Variants in INPP5A observed in about 807,000 individuals in gnomAD.
The protein encoded by INPP5A is 43 kDa inositol polyphosphate 5-phophatase.
Under a neutral mutation model 65.2 loss-of-function variants are expected in INPP5A, and 14 were observed. The observed-to-expected ratio is 0.21, with a 90% CI of 0.14 to 0.34. The LOEUF (loss-of-function observed/expected upper bound fraction) is 0.34. INPP5A is among the 10% of genes least tolerant of loss of function. The pLI, the probability that INPP5A is intolerant of heterozygous loss-of-function variation, is 1.00. For missense variants in INPP5A, 431 were observed against 545.6 expected (o/e 0.79, Z 2.09); for synonymous variants, 207 against 208.3 (o/e 0.99, Z 0.05).
chr10:132,638,161 AG>A (rs1248365156), intron 2 of INPP5A, among the ~76,000 whole-genome samples: 1 of 152,056 alleles, frequency 6.6e-6, no homozygotes, highest in East Asian at 1.9e-4. Context: ...CTGGTGACTC[AG>A]GGCTGCTACT....
chr10:132,752,328 A>G (rs1363522612), intron 11 of INPP5A, among the ~76,000 whole-genome samples: 1 of 151,548 alleles, frequency 6.6e-6, no homozygotes, highest in East Asian at 2.0e-4. Flanking sequence ...GGAAGGAGCT[A>G]GGAGACAGGG....
chr10:132,565,877 C>T (rs2071268974), intron 1 of INPP5A, among the ~76,000 whole-genome samples: 1 of 151,942 alleles, frequency 6.6e-6, no homozygotes, highest in Admixed American at 6.6e-5. Flanking sequence ...GCCATTTCCT[C>T]CTAGTTTTGA....
rs185062539 is a variant in INPP5A at position 132,590,068 on chromosome 10, C to T, written c.76-17847C>T. On this transcript the variant is annotated intron_variant, in intron 1 of 15. Coordinates refer to ENST00000368594, the MANE Select transcript of INPP5A (RefSeq NM_005539.5). ...CACGGCTGGAAAAGGACACGGTCTA[C>T]AAGTGGAGGCTCGAAGGTGGCTGAG... Among the ~76,000 whole-genome samples the T allele has an allele frequency of 3.4e-4, 52 of 152,356 alleles. 1 individual carries two copies. The highest frequency in any genetic ancestry group is 3.4e-3 in the Middle Eastern group (1 of 294).
In INPP5A at chr10:132,636,664, AT is replaced by A. The variant is rs1364945523; in HGVS notation, c.118-9203del. Among the ~76,000 whole-genome samples, 3 of 152,288 alleles carry A rather than the reference AT, an allele frequency of 2.0e-5. No homozygotes were observed. The East Asian group carries it at 5.8e-4, about 29-fold the overall frequency. The stretch of plus-strand genomic sequence containing the variant: ...AGCTCCCATGTCCATTTGGTTATTT[AT>A]GGAAGAGAACCAGCCCTGCCTTCCT... On this transcript the variant is annotated intron_variant, in intron 2 of 15. Coordinates refer to ENST00000368594, the MANE Select transcript of INPP5A (RefSeq NM_005539.5).
At chr10:132,766,619 G>A (rs1287127652) in intron 12 of INPP5A, among the ~76,000 whole-genome samples, 1 of 152,230 alleles carries the variant, frequency 6.6e-6, no homozygotes, top group Non-Finnish European at 1.5e-5. Flanking sequence ...GAGAGCATGA[G>A]TGAGAACATG....
intron 5 of INPP5A, among the ~76,000 whole-genome samples, chr10:132,691,692 A>G (rs1217909198): frequency 2.0e-5 from 3 of 152,236 alleles, no homozygotes; most frequent in African/African-American, 7.2e-5. Context: ...CATGTGGCCA[A>G]ACTAACAAGA....
At chr10:132,635,985 A>G (rs1038946377) in intron 2 of INPP5A, among the ~76,000 whole-genome samples, 5 of 144,284 alleles carry the variant, frequency 3.5e-5, no homozygotes, top group Admixed American at 6.9e-5. Context: ...CTCAAAGACA[A>G]AAAAAAAAAA....
chr10:132,767,530 C>T (rs1035835930), intron 12 of INPP5A, among the ~76,000 whole-genome samples: 4 of 152,144 alleles, frequency 2.6e-5, no homozygotes, highest in African/African-American at 7.2e-5. Flanking sequence ...GCAAAGACAC[C>T]GAGGCTCCCT....
intron 8 of INPP5A, among the ~76,000 whole-genome samples, chr10:132,722,122 A>G (rs1462316251): frequency 6.6e-6 from 1 of 152,154 alleles, no homozygotes; most frequent in African/African-American, 2.4e-5. Context: ...GTAATTTTAT[A>G]CTGTCGATGT....
rs911483533 is a variant in INPP5A at position 132,659,269 on chromosome 10, C to T, written c.306+8764C>T. ...TCAGGAGCTGGAGCACTGAGAAAGGCACCTTGCTGAGAGCAGCCTTGGAAG... is the reference window on the plus strand; with the variant it reads ...TCAGGAGCTGGAGCACTGAGAAAGGTACCTTGCTGAGAGCAGCCTTGGAAG... On this transcript the variant is annotated intron_variant, in intron 4 of 15. Transcript: ENST00000368594. This position sits in a 1 kb window ranked among gnomAD's most constrained non-coding sequence, Gnocchi z 5.5. Among the ~76,000 whole-genome samples the T allele has an allele frequency of 7.2e-5, 11 of 152,212 alleles. No homozygotes were observed. The highest frequency in any genetic ancestry group is 2.4e-4 in the African/African-American group (10 of 41,462).
chr10:132,714,395 G>A (rs759500194), intron 8 of INPP5A, among the ~76,000 whole-genome samples: 1 of 152,206 alleles, frequency 6.6e-6, no homozygotes, highest in Non-Finnish European at 1.5e-5. Flanking sequence ...TCTGCTGTGC[G>A]GATCGGGCAG....
intron 9 of INPP5A, among the ~76,000 whole-genome samples, chr10:132,739,045 G>A (rs1195333748): frequency 1.3e-5 from 2 of 152,160 alleles, no homozygotes; most frequent in African/African-American, 4.8e-5. Context: ...AGTAAGGGAG[G>A]CCGGCGAAGT....
At chr10:132,780,224 G>A (rs890905824) in intron 13 of INPP5A, among the ~76,000 whole-genome samples, 5 of 152,204 alleles carry the variant, frequency 3.3e-5, no homozygotes, top group South Asian at 2.1e-4. Context: ...AACCAGAGCC[G>A]AGTGCTGACC....
At position 132,782,255 on chromosome 10, in the gene INPP5A, T is replaced by G. The variant is rs1361235336; in HGVS notation, c.*226T>G. ...GACATTAAGTAGAAATATTGGTTTT[T>G]TTTTTTTTTTTTTAAATAAGTCACA... is the stretch of plus-strand genomic sequence containing the variant. On this transcript the variant is annotated 3_prime_UTR_variant, in exon 16 of 16. Coordinates refer to ENST00000368594, the MANE Select transcript of INPP5A (RefSeq NM_005539.5). The surrounding 1 kb of genome is among the most constrained non-coding windows in gnomAD (Gnocchi z 4.4). 88 of 451,348 alleles carry G rather than the reference T, an allele frequency of 1.9e-4. No homozygotes were observed. Among genetic ancestry groups the G allele is most frequent in the Middle Eastern group, 7.6e-4 (1 of 1,316 alleles). The allele number at this position is 451,348 out of a possible 1,614,324, so 28.0% of individuals were successfully genotyped here.
rs1170248474 is a variant in INPP5A at position 132,546,993 on chromosome 10, G to T, written c.75+8822G>T. On this transcript the variant is annotated intron_variant, in intron 1 of 15. Coordinates refer to ENST00000368594, the MANE Select transcript of INPP5A (RefSeq NM_005539.5). The surrounding 1 kb of genome is among the most constrained non-coding windows in gnomAD (Gnocchi z 5.7). The stretch of plus-strand genomic sequence containing the variant: ...CTTCCTTTCTGCGTCCTCCCCTCTC[G>T]GGGTCCCGCATGACTGGTCCTCATT... Among the ~76,000 whole-genome samples the T allele has an allele frequency of 6.6e-6, 1 of 152,212 alleles. No homozygotes were observed. The highest frequency in any genetic ancestry group is 2.4e-5 in the African/African-American group (1 of 41,472).
In INPP5A at chr10:132,675,963, C is replaced by G. The variant is rs554740827; in HGVS notation, c.307-14429C>G. Reference sequence around the variant, plus strand: ...GTATACATGAAATGTAATTGAAAAGCTAATGATTTTTAGAAGACAAAAGAT... The same window carrying G: ...GTATACATGAAATGTAATTGAAAAGGTAATGATTTTTAGAAGACAAAAGAT... On this transcript the variant is annotated intron_variant, in intron 4 of 15. Transcript: ENST00000368594. This position sits in a 1 kb window ranked among gnomAD's most constrained non-coding sequence, Gnocchi z 4.2. 6.6e-6 allele frequency among the ~76,000 whole-genome samples: 1 copy of G among 152,210 alleles called. No individual in the cohort carries two copies. Among genetic ancestry groups the G allele is most frequent in the East Asian group, 1.9e-4 (1 of 5,186 alleles).
chr10:132,651,388 G>A lies in INPP5A; in HGVS notation c.306+883G>A, dbSNP rs111552937. Among the ~76,000 whole-genome samples the A allele has an allele frequency of 0.02, 2,700 of 132,770 alleles. 39 individuals carry two copies. Among genetic ancestry groups the A allele is most frequent in the Middle Eastern group, 0.034 (8 of 236 alleles). 87.1% of individuals were successfully genotyped at this position (132,770 alleles called of 152,430 possible). A position where few individuals can be genotyped will look rare whatever the true frequency, so the allele number is the denominator to read the frequency against. On this transcript the variant is annotated intron_variant, in intron 4 of 15. Coordinates refer to ENST00000368594, the MANE Select transcript of INPP5A (RefSeq NM_005539.5). This position sits in a 1 kb window ranked among gnomAD's most constrained non-coding sequence, Gnocchi z 5.0. ...CCCCCGGCCTGGGTCCATCTCCCCC[G>A]TCTCTGGGGAGGCCCTGGGTCCCCC...
Position 132,546,433 on chromosome 10 carries a change from G to A in INPP5A, c.75+8262G>A, listed in dbSNP as rs1314348519. 2.0e-5 allele frequency among the ~76,000 whole-genome samples: 3 copies of A among 152,050 alleles called. No individual in the cohort carries two copies. Among genetic ancestry groups the A allele is most frequent in the African/African-American group, 7.3e-5 (3 of 41,376 alleles). ...GAACCCTGAGCCCCTGGTGGGTCTCGGTGACCTTGAGCCGGTTGTCTTCTT... is the reference window on the plus strand; with the variant it reads ...GAACCCTGAGCCCCTGGTGGGTCTCAGTGACCTTGAGCCGGTTGTCTTCTT... On this transcript the variant is annotated intron_variant, in intron 1 of 15. Coordinates refer to ENST00000368594, the MANE Select transcript of INPP5A (RefSeq NM_005539.5). The surrounding 1 kb of genome is among the most constrained non-coding windows in gnomAD (Gnocchi z 5.7).
intron 12 of INPP5A, among the ~76,000 whole-genome samples, chr10:132,776,830 G>A (rs1025906909): frequency 2.6e-5 from 4 of 152,164 alleles, no homozygotes; most frequent in African/African-American, 9.7e-5. Flanking sequence ...GGTAGTGGGG[G>A]CCATGGCCAT....
Sources: allele counts gnomAD v4.1 joint callset (sites outside exome capture counted in the v4.1 genomes callset), GRCh38; gene constraint gnomAD v4.1.1; non-coding constraint Gnocchi (gnomAD v3.1); transcripts MANE v1.5; gene names NCBI Gene and HGNC (gene_info 2026-07-23, HGNC 2026-07-21).